PLEKHG1: variants seen among roughly 807,000 people sequenced by gnomAD.
PLEKHG1 encodes pleckstrin homology and RhoGEF domain containing G1.
In PLEKHG1, 44 loss-of-function variants were observed where a neutral mutation model predicts 100.8. That is an observed-to-expected ratio of 0.44 (90% CI 0.34 to 0.56). The LOEUF (loss-of-function observed/expected upper bound fraction) is 0.56. Among genes scored for constraint, PLEKHG1 ranks in the 20% least tolerant of loss-of-function variants. The probability of loss-of-function intolerance (pLI) is 0.01; values close to 1 mark genes in which losing one functional copy is unlikely to be tolerated. For synonymous variants in PLEKHG1, 640 were observed against 662.5 expected (o/e 0.97, Z 0.52); for missense variants, 1,545 against 1,720.9 (o/e 0.90, Z 1.81).
intron 2 of PLEKHG1, among the ~76,000 whole-genome samples, chr6:150,755,515 A>G (rs1334635100): frequency 6.6e-6 from 1 of 152,178 alleles, no homozygotes. Flanking sequence ...CTGGGAAGGA[A>G]CCTGGGACCT....
intron 3 of PLEKHG1, among the ~76,000 whole-genome samples, chr6:150,659,895 T>C (rs1391191051): frequency 6.6e-6 from 1 of 152,252 alleles, no homozygotes; most frequent in East Asian, 1.9e-4. Context: ...GTTTTATGCA[T>C]GGCACACAGT....
At chr6:150,771,220 C>T (rs1038886033) in intron 3 of PLEKHG1, among the ~76,000 whole-genome samples, 4 of 152,134 alleles carry the variant, frequency 2.6e-5, no homozygotes, top group Admixed American at 2.6e-4. Flanking sequence ...CAAGACCAGC[C>T]TGGCCAGCAT....
At chr6:150,705,058 A>G (rs956252407) in intron 3 of PLEKHG1, among the ~76,000 whole-genome samples, 12 of 152,242 alleles carry the variant, frequency 7.9e-5, no homozygotes, top group Admixed American at 4.6e-4. Flanking sequence ...CAACATCAAC[A>G]TATGTATTTG....
At chr6:150,810,514 A>G (rs558516703) in intron 10 of PLEKHG1, among the ~76,000 whole-genome samples, 84 of 88,632 alleles carry the variant, frequency 9.5e-4, no homozygotes, top group African/African-American at 2.3e-3. Context: ...GAAAGAAAGA[A>G]AAAGAAAGAA....
At chr6:150,670,549 T>C (rs1779549477) in intron 3 of PLEKHG1, among the ~76,000 whole-genome samples, 1 of 152,204 alleles carries the variant, frequency 6.6e-6, no homozygotes, top group South Asian at 2.1e-4. Context: ...TGTACCAACA[T>C]GTCAGTCCTA....
intron 1 of PLEKHG1, among the ~76,000 whole-genome samples, chr6:150,637,368 T>C (rs1224452201): frequency 6.6e-6 from 1 of 151,994 alleles, no homozygotes; most frequent in Non-Finnish European, 1.5e-5. Flanking sequence ...TTACTGTTTT[T>C]TGTTTGTTTG....
intron 1 of PLEKHG1, among the ~76,000 whole-genome samples, chr6:150,732,129 T>C (rs1782295640): frequency 6.6e-6 from 1 of 151,978 alleles, no homozygotes; most frequent in African/African-American, 2.4e-5. Context: ...GCCTAGCTAA[T>C]TTTTTTGTAT....
rs373817408 is a variant in PLEKHG1 at position 150,649,524 on chromosome 6, C to T, written c.-157-1204C>T. Among the ~76,000 whole-genome samples, 5 of 152,068 alleles carry T rather than the reference C, an allele frequency of 3.3e-5. No individual in the cohort carries two copies. In the East Asian group the frequency reaches 9.6e-4, roughly 29 times the overall value. On this transcript the variant is annotated intron_variant, in intron 2 of 3. Transcript: ENST00000367326. The stretch of plus-strand genomic sequence containing the variant: ...TACCCAGCTGAGAAATTTCTAGGCA[C>T]TTTTTTTTAATTTTAAAACTCTGCA...
At chr6:150,664,746 T>C (rs921611704) in intron 3 of PLEKHG1, among the ~76,000 whole-genome samples, 2 of 152,126 alleles carry the variant, frequency 1.3e-5, no homozygotes, top group African/African-American at 4.8e-5. Flanking sequence ...CTAGAATCAC[T>C]CAAGCACAAG....
chr6:150,695,223 A>G (rs1244017611), intron 3 of PLEKHG1, among the ~76,000 whole-genome samples: 1 of 152,078 alleles, frequency 6.6e-6, no homozygotes, highest in African/African-American at 2.4e-5. Context: ...TCTTTGCTCA[A>G]TGGTTTGTGC....
chr6:150,806,450 C>T (rs920612310), intron 7 of PLEKHG1, among the ~76,000 whole-genome samples: 1 of 151,684 alleles, frequency 6.6e-6, no homozygotes, highest in Non-Finnish European at 1.5e-5. Context: ...TTTGGGAGGC[C>T]GAGGCAGGCG....
At chr6:150,763,682 AAT>A (rs1784302846) in intron 2 of PLEKHG1, among the ~76,000 whole-genome samples, 2 of 152,192 alleles carry the variant, frequency 1.3e-5, no homozygotes, top group Non-Finnish European at 2.9e-5. Flanking sequence ...TAGGAAGGAA[AAT>A]CAGAGGAGAG....
chr6:150,769,480 G>A (rs1051385766), intron 3 of PLEKHG1, among the ~76,000 whole-genome samples: 2 of 150,572 alleles, frequency 1.3e-5, no homozygotes, highest in African/African-American at 2.5e-5. Context: ...TACCCAGGAG[G>A]CTGAGACAGG....
At chr6:150,625,208 G>T (rs1777461534) in intron 1 of PLEKHG1, among the ~76,000 whole-genome samples, 1 of 152,126 alleles carries the variant, frequency 6.6e-6, no homozygotes, top group African/African-American at 2.4e-5. Flanking sequence ...TTATTTGCTA[G>T]GTCTACCATA....
intron 4 of PLEKHG1, among the ~76,000 whole-genome samples, chr6:150,788,507 G>A (rs1306938134): frequency 6.6e-6 from 1 of 152,206 alleles, no homozygotes; most frequent in Non-Finnish European, 1.5e-5. Flanking sequence ...TCGACAGATG[G>A]AGAACATGGT....
intron 2 of PLEKHG1, among the ~76,000 whole-genome samples, chr6:150,766,822 C>T (rs1235556575): frequency 6.6e-6 from 1 of 152,200 alleles, no homozygotes; most frequent in Non-Finnish European, 1.5e-5. Flanking sequence ...GCAAGCTTCG[C>T]TCTTGAAGTG....
At chr6:150,715,291 G>T (rs923165972) in intron 3 of PLEKHG1, among the ~76,000 whole-genome samples, 1 of 152,076 alleles carries the variant, frequency 6.6e-6, no homozygotes, top group Admixed American at 6.6e-5. Context: ...TATTTTCCGG[G>T]TTTAGAGTAG....
chr6:150,830,194 G>C (rs1040168769), intron 14 of PLEKHG1, among the ~76,000 whole-genome samples: 5 of 152,144 alleles, frequency 3.3e-5, no homozygotes, highest in Non-Finnish European at 7.4e-5. Flanking sequence ...AAATTGGTAC[G>C]ATCATACCTA....
At chr6:150,605,384 AGTTCCCCATCT>A (rs1204540518) in intron 1 of PLEKHG1, 1 of 152,236 alleles carries the variant, frequency 6.6e-6, no homozygotes, top group Non-Finnish European at 1.5e-5. Context: ...ACCTGCTGCA[AGTTCCCCATCT>A]GTAAAGTAGG....
Sources: gnomAD v4.1 joint callset for allele counts (sites outside exome capture counted in the v4.1 genomes callset) on GRCh38, gnomAD v4.1.1 for gene constraint, MANE v1.5 for transcripts, NCBI Gene and HGNC (gene_info 2026-07-23, HGNC 2026-07-21) for gene names.